CD1C: variants seen among roughly 807,000 people sequenced by gnomAD.
CD1C encodes CD1c molecule.
Under a neutral mutation model 39.4 loss-of-function variants are expected in CD1C, and 47 were observed. The ratio of observed to expected loss-of-function variants is 1.19; its 90% confidence interval spans 0.94 to 1.52. CD1C has a LOEUF of 1.52. Ranked by LOEUF, CD1C falls within the 40% of genes most tolerant of loss-of-function variation. The pLI is 0.00. For synonymous variants in CD1C, 165 were observed against 150.8 expected, an observed-to-expected ratio of 1.09 and a Z score of -0.69; for missense variants, 417 against 395.2, an observed-to-expected ratio of 1.06 and a Z score of -0.47.
Position 158,293,752 on chromosome 1 carries a change from T to G in CD1C, c.*276T>G, listed in dbSNP as rs914763537. Reference sequence around the variant, plus strand: ...AACCCAGAGAGCCCCTCAACTGTTATGTGCATGCAACACTTCCTACCCTGT... The same window carrying G: ...AACCCAGAGAGCCCCTCAACTGTTAGGTGCATGCAACACTTCCTACCCTGT... On this transcript the variant is annotated 3_prime_UTR_variant, in exon 6 of 6. Transcript: ENST00000368170. 1.6e-6 allele frequency: 1 copy of G among 643,296 alleles called. No individual in the cohort carries two copies. Among genetic ancestry groups the G allele is most frequent in the Non-Finnish European group, 2.7e-6 (1 of 375,808 alleles). The allele number at this position is 643,296 out of a possible 1,614,324, so 39.8% of individuals were successfully genotyped here.
Position 158,291,316 on chromosome 1 carries a change from T to A in CD1C, c.244T>A (p.Ser82Thr). The A allele has an allele frequency of 3.7e-6, 6 of 1,614,182 alleles. No individual in the cohort carries two copies. Among genetic ancestry groups the A allele is most frequent in the Non-Finnish European group, 5.1e-6 (6 of 1,180,002 alleles). The change falls in exon 2 of 6, where the codon TCA becomes ACA. Residue 82 changes from serine (S) to threonine (T), a missense_variant. Transcript: ENST00000368170. ...GGGCAACTTCAGCAATGAAGAGTTGTCAGACCTAGAGTTGTTATTTCGTTT... is the reference window on the plus strand; with the variant it reads ...GGGCAACTTCAGCAATGAAGAGTTGACAGACCTAGAGTTGTTATTTCGTTT... ...SKGNFSNEEL[S>T]DLELLFRFYL... is the part of the protein sequence containing the mutation.
intron 1 of CD1C, among the ~76,000 whole-genome samples, chr1:158,290,839 C>T (rs1232994689): frequency 6.6e-6 from 1 of 152,174 alleles, no homozygotes; most frequent in African/African-American, 2.4e-5. Flanking sequence ...ATAGTATGAA[C>T]ATCTCTGTCA....
rs139069182 is a variant in CD1C, at chr1:158,292,833, G to C, written c.848G>C (p.Arg283Thr). The change falls in exon 4 of 6, where the codon AGA (arginine) becomes ACA (threonine). Residue 283 changes from arginine (R) to threonine (T), a missense_variant. Arg to Thr is a moderately conservative substitution (Grantham distance 71). Transcript: ENST00000368170. ...EEPAGLSCRVRHSSLGGQDII... is the reference protein window; with the variant it reads ...EEPAGLSCRVTHSSLGGQDII... Reference sequence around the variant, plus strand: ...CCTGCTGGCCTGTCTTGTCGAGTGAGACACAGCAGTCTAGGAGGCCAGGAC... The same window carrying C: ...CCTGCTGGCCTGTCTTGTCGAGTGACACACAGCAGTCTAGGAGGCCAGGAC... 3.0e-4 allele frequency: 481 copies of C among 1,614,218 alleles called. 1 individual carries two copies. The African/African-American group carries it at 5.5e-3, about 19-fold the overall frequency.
rs115959450 is a variant in CD1C, at chr1:158,292,098, C to G, written c.343C>G (p.Gln115Glu). Residue 115 changes from glutamine to glutamate, a missense_variant, in exon 3 of 6, where the codon CAG becomes GAG. Physicochemically the swap from Gln to Glu is conservative, Grantham distance 29 (BLOSUM62 2). Coordinates refer to ENST00000368170, the MANE Select transcript of CD1C (RefSeq NM_001765.3). ...CCTTCCTCCAGATCCCTTTGAAGTA[C>G]AGGTGAAAGCGGGCTGTGAGCTGCA... Reference protein sequence around the residue: ...QDYSKYPFEVQVKAGCELHSG... With the variant: ...QDYSKYPFEVEVKAGCELHSG... The G allele has an allele frequency of 6.2e-7, 1 of 1,613,522 alleles. No individual in the cohort carries two copies. The highest frequency in any genetic ancestry group is 8.5e-7 in the Non-Finnish European group (1 of 1,179,862).
In CD1C at chr1:158,293,621, T is replaced by C; in HGVS notation, c.*145T>C. On this transcript the variant is annotated 3_prime_UTR_variant, in exon 6 of 6. Coordinates refer to ENST00000368170, the MANE Select transcript of CD1C (RefSeq NM_001765.3). ...ACATTTGTTAATAAAAACCAAATTC[T>C]AATTTGGAATGTTTTTCTTGGAATC... 6.3e-7 allele frequency: 1 copy of C among 1,577,418 alleles called. No homozygotes were observed.
chr1:158,292,127 T>A lies in CD1C; in HGVS notation c.372T>A (p.Ser124=), dbSNP rs772050553. 6.2e-7 allele frequency: 1 copy of A among 1,614,178 alleles called. No individual in the cohort carries two copies. The highest frequency in any genetic ancestry group is 8.5e-7 in the Non-Finnish European group (1 of 1,180,028). ...VQVKAGCELH[S]GKSPEGFFQV... is the part of the protein sequence containing the mutation. ...TGAAAGCGGGCTGTGAGCTGCATTC[T>A]GGAAAGAGCCCAGAAGGCTTCTTTC... The change falls in exon 3 of 6, where the codon TCT becomes TCA. Residue 124 remains serine (S), a synonymous_variant. Coordinates refer to ENST00000368170, the MANE Select transcript of CD1C (RefSeq NM_001765.3).
chr1:158,291,463 C>A, intron 2 of CD1C, 63 bp downstream of exon 2: 1 of 1,549,432 alleles, frequency 6.5e-7, no homozygotes, highest in Non-Finnish European at 8.8e-7. Flanking sequence ...GAAATATTCT[C>A]TACTAATTTT....
chr1:158,290,741 T>C (rs1256247147), intron 1 of CD1C, among the ~76,000 whole-genome samples: 1 of 152,172 alleles, frequency 6.6e-6, no homozygotes, highest in Non-Finnish European at 1.5e-5. Context: ...CAAATGGCTT[T>C]TCTGAGAGAA....
intron 4 of CD1C, among the ~76,000 whole-genome samples, 156 bp from the exon 5 acceptor site, chr1:158,293,056 G>C (rs1651109236): frequency 6.6e-6 from 1 of 152,126 alleles, no homozygotes; most frequent in South Asian, 2.1e-4. Flanking sequence ...GGGGAAATGA[G>C]GAATCCTTCC....
Position 158,293,900 on chromosome 1 carries a change from A to C in CD1C, c.*424A>C, listed in dbSNP as rs2101663087. On this transcript the variant is annotated 3_prime_UTR_variant, in exon 6 of 6. Coordinates refer to ENST00000368170, the MANE Select transcript of CD1C (RefSeq NM_001765.3). ...AACACAAAACAAAACATCATATCTA[A>C]GTTGGATTAACTGTCATGTTGACAA... 6.6e-6 allele frequency among the ~76,000 whole-genome samples: 1 copy of C among 152,296 alleles called. No homozygotes were observed. The highest frequency in any genetic ancestry group is 2.4e-5 in the African/African-American group (1 of 41,564).
rs201073562 is a variant in CD1C at position 158,291,194 on chromosome 1, G to A, written c.122G>A (p.Trp41Ter). ...IQIFSFVNQS[W>*]ARGQGSGWLD... ...ATCTTCTCATTTGTCAACCAATCCT[G>A]GGCACGAGGTCAGGGCTCAGGATGG... is the stretch of plus-strand genomic sequence containing the variant. The change falls in exon 2 of 6, where the codon TGG (tryptophan) becomes TAG (stop). Residue 41 changes from tryptophan (W) to a stop codon, truncating the protein, a stop_gained. Coordinates refer to ENST00000368170, the MANE Select transcript of CD1C (RefSeq NM_001765.3). LOFTEE classifies it high-confidence loss of function. The A allele has an allele frequency of 3.0e-5, 49 of 1,613,536 alleles. No homozygotes were observed. Among genetic ancestry groups the A allele is most frequent in the Non-Finnish European group, 4.1e-5 (48 of 1,179,966 alleles).
Position 158,290,765 on chromosome 1 carries a change from A to G in CD1C, c.62-369A>G, listed in dbSNP as rs577791228. 2.1e-3 allele frequency among the ~76,000 whole-genome samples: 321 copies of G among 152,302 alleles called. 2 individuals are homozygous for G. The highest frequency in any genetic ancestry group is 7.5e-3 in the African/African-American group (313 of 41,554). On this transcript the variant is annotated intron_variant, in intron 1 of 5. Coordinates refer to ENST00000368170, the MANE Select transcript of CD1C (RefSeq NM_001765.3). ...TTTCTGAGAGAAGGAAACAACTGCA[A>G]ATGACATGCTGTTTCTGTAGTTTCC...
In CD1C at chr1:158,294,271, C is replaced by T. The variant is rs887733066; in HGVS notation, c.*795C>T. Among the ~76,000 whole-genome samples, 5 of 152,190 alleles carry T rather than the reference C, an allele frequency of 3.3e-5. No individual in the cohort carries two copies. Among genetic ancestry groups the T allele is most frequent in the African/African-American group, 9.7e-5 (4 of 41,444 alleles). On this transcript the variant is annotated 3_prime_UTR_variant, in exon 6 of 6. Coordinates refer to ENST00000368170, the MANE Select transcript of CD1C (RefSeq NM_001765.3). Reference sequence around the variant, plus strand: ...GTGCTGTATATGGAAGACAAATTTCCTAAAGGACTGTGTTATCTGAGATAG... The same window carrying T: ...GTGCTGTATATGGAAGACAAATTTCTTAAAGGACTGTGTTATCTGAGATAG...
In CD1C at chr1:158,292,651, G is replaced by T. The variant is rs1188158151; in HGVS notation, c.666G>T (p.Leu222Phe). 6.2e-7 allele frequency: 1 copy of T among 1,613,564 alleles called. No homozygotes were observed. The highest frequency in any genetic ancestry group is 8.5e-7 in the Non-Finnish European group (1 of 1,180,060). The change falls in exon 4 of 6, where the codon TTG becomes TTT. Residue 222 changes from leucine (L) to phenylalanine (F), a missense_variant. Leu to Phe is a conservative substitution (Grantham distance 22). Coordinates refer to ENST00000368170, the MANE Select transcript of CD1C (RefSeq NM_001765.3). ...CCAGCCTTGGGTCTGGCCAGCTGTT[G>T]CTGGTTTGTCATGCCTCCGGCTTCT... ...SRPSLGSGQL[L>F]LVCHASGFYP...
rs746956113 is a variant in CD1C at position 158,291,450 on chromosome 1, A to G, written c.328+50A>G. ...GGAGTTCTTTAGAATGTTCTATTTCAGGGAAATATTCTCTACTAATTTTTG... is the reference window on the plus strand; with the variant it reads ...GGAGTTCTTTAGAATGTTCTATTTCGGGGAAATATTCTCTACTAATTTTTG... On this transcript the variant is annotated intron_variant, in intron 2 of 5. Coordinates refer to ENST00000368170, the MANE Select transcript of CD1C (RefSeq NM_001765.3). The G allele has an allele frequency of 1.3e-5, 21 of 1,579,046 alleles. No individual in the cohort carries two copies. In the East Asian group the frequency reaches 3.1e-4, roughly 24 times the overall value.
chr1:158,292,041 C>CT, intron 2 of CD1C, 43 bp from the exon 3 acceptor site: 1 of 1,568,220 alleles, frequency 6.4e-7, no homozygotes, highest in Non-Finnish European at 8.6e-7. Context: ...GTTGTTTTCA[C>CT]TTTTTTGTTT....
chr1:158,291,976 A>G (rs1225665028), intron 2 of CD1C, 108 bp from the exon 3 acceptor site: 2 of 1,105,340 alleles, frequency 1.8e-6, no homozygotes, highest in Non-Finnish European at 1.3e-6. Context: ...TCACTCTCAC[A>G]TCCATGTAAA....
rs1053759782 is a variant in CD1C, at chr1:158,292,499, G to T, written c.611-97G>T. 4 of 1,495,912 alleles carry T rather than the reference G, an allele frequency of 2.7e-6. No homozygotes were observed. The South Asian group carries it at 5.1e-5, about 19-fold the overall frequency. 92.7% of individuals were successfully genotyped at this position (1,495,912 alleles called of 1,614,324 possible). On this transcript the variant is annotated intron_variant, in intron 3 of 5. Coordinates refer to ENST00000368170, the MANE Select transcript of CD1C (RefSeq NM_001765.3). ...GCTGGGTAATAGTTTCTTAGAGGCA[G>T]GAAAAAGATAACTGTGCATATTCAT...
At position 158,292,269 on chromosome 1, in the gene CD1C, G is replaced by A. The variant is rs1029113591; in HGVS notation, c.514G>A (p.Gly172Ser). The change falls in exon 3 of 6, where the codon GGC becomes AGC. Residue 172 changes from glycine to serine, a missense_variant. Physicochemically the swap from Gly to Ser is moderately conservative, Grantham distance 56. Transcript: ENST00000368170. ...TCATCTACTCAATCATCAGTATGAA[G>A]GCGTCACAGAAACAGTGTATAATCT... The part of the protein sequence containing the change: ...VCHLLNHQYE[G>S]VTETVYNLIR... 7 of 1,614,086 alleles carry A rather than the reference G, an allele frequency of 4.3e-6. No homozygotes were observed. Among genetic ancestry groups the A allele is most frequent in the Middle Eastern group, 1.6e-4 (1 of 6,084 alleles).
Sources: allele counts gnomAD v4.1 joint callset (sites outside exome capture counted in the v4.1 genomes callset), GRCh38; gene constraint gnomAD v4.1.1; transcripts MANE v1.5; gene names NCBI Gene and HGNC (gene_info 2026-07-23, HGNC 2026-07-21).